UBR4: variants seen among roughly 807,000 people sequenced by gnomAD.
The protein encoded by UBR4 is E3 ubiquitin-protein ligase UBR4.
Under a neutral mutation model 575.6 loss-of-function variants are expected in UBR4, and 124 were observed. The observed-to-expected ratio is 0.22, with a 90% CI of 0.19 to 0.25. The LOEUF is 0.25. Among genes scored for constraint, UBR4 ranks in the 10% least tolerant of loss-of-function variants. The probability of loss-of-function intolerance (pLI) is 1.00; values close to 1 mark genes in which losing one functional copy is unlikely to be tolerated. For synonymous variants in UBR4, 2,455 were observed against 2,473.7 expected (o/e 0.99, Z 0.22); for missense variants, 4,818 against 6,478.8 (o/e 0.74, Z 8.80).
At position 19,092,915 on chromosome 1, in the gene UBR4, C is replaced by A. The variant is rs780326154; in HGVS notation, c.14115G>T (p.Leu4705Phe). ...AAAACTTTTTCCAGATGTCGGCATCCAAACTGCAAAGCAAAGGAAGGCTTA... is the reference window on the plus strand; with the variant it reads ...AAAACTTTTTCCAGATGTCGGCATCAAAACTGCAAAGCAAAGGAAGGCTTA... The part of the protein sequence containing the change: ...MKKHIPSAKN[L>F]DADIWKKFLS... The change falls in exon 97 of 106, where the codon TTG becomes TTT. Residue 4705 changes from leucine (L) to phenylalanine (F), a missense_variant. Physicochemically the swap from Leu to Phe is conservative, Grantham distance 22. This residue lies in a region of UBR4 where 39 missense variants were observed against 37.5 expected (regional missense o/e 1.04). Transcript: ENST00000375254. 6 of 1,612,824 alleles carry A rather than the reference C, an allele frequency of 3.7e-6. No homozygotes were observed. Among genetic ancestry groups the A allele is most frequent in the Non-Finnish European group, 2.5e-6 (3 of 1,179,648 alleles).
At chr1:19,128,800 C>T (rs180790385) in intron 61 of UBR4, among the ~76,000 whole-genome samples, 178 bp downstream of exon 61, 4 of 152,244 alleles carry the variant, frequency 2.6e-5, no homozygotes, top group Admixed American at 1.3e-4. Flanking sequence ...ATTCTCTGAC[C>T]CTTAGCTTTC....
At chr1:19,208,570 T>C (rs1571899935) in intron 1 of UBR4, among the ~76,000 whole-genome samples, 1 of 152,190 alleles carries the variant, frequency 6.6e-6, no homozygotes, top group East Asian at 1.9e-4. Context: ...AGAGATCTTA[T>C]TAATGTCTAC....
At chr1:19,140,721 A>G in intron 58 of UBR4, 67 bp downstream of exon 58, 1 of 1,478,994 alleles carries the variant, frequency 6.8e-7, no homozygotes, top group Non-Finnish European at 9.2e-7. Context: ...TTACACTCTC[A>G]CAGCAGTGGA....
At chr1:19,083,741 T>C (rs2076746603) in intron 102 of UBR4, among the ~76,000 whole-genome samples, 1 of 152,168 alleles carries the variant, frequency 6.6e-6, no homozygotes, top group Non-Finnish European at 1.5e-5. Context: ...GCTATGTTGC[T>C]TAGGCTGGGC....
rs2086455413 is a variant in UBR4 at position 19,156,392 on chromosome 1, C to T, written c.5951G>A (p.Gly1984Asp). 1 of 1,614,008 alleles carries T rather than the reference C, an allele frequency of 6.2e-7. No homozygotes were observed. The highest frequency in any genetic ancestry group is 1.1e-5 in the South Asian group (1 of 91,088). Residue 1984 changes from glycine (G) to aspartate (D), a missense_variant, in exon 42 of 106, where the codon GGC becomes GAC. Transcript: ENST00000375254. ...DCHVLTFSSS[G>D]SVSDHLVLHP... ...CAAAACCAAGTGATCCGAAACAGAGCCTGAGCTACTAAAGGTGAGCACATG... is the reference window on the plus strand; with the variant it reads ...CAAAACCAAGTGATCCGAAACAGAGTCTGAGCTACTAAAGGTGAGCACATG...
rs183207716 is a variant in UBR4, at chr1:19,104,835, G to C, written c.12646-169C>G. 13 of 1,072,994 alleles carry C rather than the reference G, an allele frequency of 1.2e-5. No homozygotes were observed. In the East Asian group the frequency reaches 3.1e-4, roughly 26 times the overall value. The allele number at this position is 1,072,994 out of a possible 1,614,324, so 66.5% of individuals were successfully genotyped here. On this transcript the variant is annotated intron_variant, in intron 85 of 105. Coordinates refer to ENST00000375254, the MANE Select transcript of UBR4 (RefSeq NM_020765.3). ...AGCCAACAGTCACAGCGCTGGTAAGGGATTGCTTAAAAACTGTAAACAGTC... is the reference window on the plus strand; with the variant it reads ...AGCCAACAGTCACAGCGCTGGTAAGCGATTGCTTAAAAACTGTAAACAGTC...
chr1:19,162,618 G>T lies in UBR4; in HGVS notation c.4765-7C>A. 6.2e-7 allele frequency: 1 copy of T among 1,603,898 alleles called. No individual in the cohort carries two copies. Among genetic ancestry groups the T allele is most frequent in the Non-Finnish European group, 8.5e-7 (1 of 1,174,364 alleles). On this transcript the variant is annotated splice_region_variant and splice_polypyrimidine_tract_variant and intron_variant, in intron 34 of 105. Coordinates refer to ENST00000375254, the MANE Select transcript of UBR4 (RefSeq NM_020765.3). The stretch of plus-strand genomic sequence containing the variant: ...ACTCCAAGATCATCACATGCTGTAA[G>T]AGAAGCCCCACAGCAACTTCAGATT...
chr1:19,164,188 T>TA (rs766217924), intron 33 of UBR4, 65 bp downstream of exon 33: 6 of 1,533,932 alleles, frequency 3.9e-6, no homozygotes, highest in Non-Finnish European at 5.3e-6. Flanking sequence ...CTTTGAGCTA[T>TA]AAAGAAAGTA....
chr1:19,097,538 C>G (rs574247835), intron 90 of UBR4, among the ~76,000 whole-genome samples: 14 of 152,318 alleles, frequency 9.2e-5, no homozygotes, highest in African/African-American at 2.9e-4. Flanking sequence ...TTCATTAGAA[C>G]ACTATGTAAT....
intron 43 of UBR4, 91 bp from the exon 44 acceptor site, chr1:19,155,166 C>G (rs1472627027): frequency 2.6e-6 from 4 of 1,532,156 alleles, no homozygotes; most frequent in African/African-American, 1.4e-5. Flanking sequence ...CAATCATGAT[C>G]AGGTGCTCTC....
At chr1:19,096,779 C>G in intron 91 of UBR4, 129 bp from the exon 92 acceptor site, 2 of 1,362,398 alleles carry the variant, frequency 1.5e-6, no homozygotes, top group South Asian at 2.9e-5. Context: ...AATAAAGACA[C>G]GGCCAATAAA....
intron 8 of UBR4, 112 bp downstream of exon 8, chr1:19,197,029 G>T: frequency 2.3e-6 from 3 of 1,323,698 alleles, no homozygotes. Context: ...GATGATCCTT[G>T]AGAGAAGGAA....
intron 92 of UBR4, among the ~76,000 whole-genome samples, chr1:19,096,307 T>C (rs1283075863): frequency 6.6e-6 from 1 of 152,150 alleles, no homozygotes; most frequent in Non-Finnish European, 1.5e-5. Context: ...GCTGGCTCTA[T>C]AGAGAGGTAT....
chr1:19,120,654 C>T (rs575946169), intron 68 of UBR4, among the ~76,000 whole-genome samples: 16 of 152,280 alleles, frequency 1.1e-4, no homozygotes, highest in African/African-American at 3.8e-4. Context: ...TGAACAAATA[C>T]AGTGACACTG....
chr1:19,091,331 A>G (rs2077494622), intron 97 of UBR4, among the ~76,000 whole-genome samples: 1 of 152,266 alleles, frequency 6.6e-6, no homozygotes, highest in Non-Finnish European at 1.5e-5. Context: ...AAGGGATTTC[A>G]GTGAGACACA....
intron 15 of UBR4, 95 bp downstream of exon 15, chr1:19,185,004 T>A: frequency 6.7e-7 from 1 of 1,482,574 alleles, no homozygotes; most frequent in African/African-American, 1.4e-5. Flanking sequence ...ATTACAGTTA[T>A]CCAAGCCACA....
intron 8 of UBR4, among the ~76,000 whole-genome samples, chr1:19,196,829 G>A (rs1243520535): frequency 6.6e-6 from 1 of 152,130 alleles, no homozygotes; most frequent in African/African-American, 2.4e-5. Flanking sequence ...GCTCCTTGAG[G>A]GCAGAGACTA....
intron 60 of UBR4, among the ~76,000 whole-genome samples, chr1:19,132,626 G>GAAAAAAAAAAAAAAAAAAAAAAAA (rs2082668175): frequency 6.7e-5 from 2 of 29,988 alleles, no homozygotes; most frequent in Non-Finnish European, 1.3e-4. Context: ...AAAAAAAAAA[G>GAAAAAAAAAAAAAAAAAAAAAAAA]TAAGTAAAAG....
rs184639101 is a variant in UBR4, at chr1:19,089,924, A to G, written c.14212-947T>C. Among the ~76,000 whole-genome samples, 1 of 152,308 alleles carries G rather than the reference A, an allele frequency of 6.6e-6. No homozygotes were observed. Among genetic ancestry groups the G allele is most frequent in the Admixed American group, 6.5e-5 (1 of 15,304 alleles). ...TTTCCACAGGTACCCCAAACTCAAC[A>G]TTCTGGCTGTTTACTGTGTGTGCAT... On this transcript the variant is annotated intron_variant, in intron 97 of 105. Transcript: ENST00000375254. This position sits in a 1 kb window ranked among gnomAD's most constrained non-coding sequence, Gnocchi z 4.3.
Sources: gnomAD v4.1 joint callset for allele counts (sites outside exome capture counted in the v4.1 genomes callset) on GRCh38, gnomAD v4.1.1 for gene constraint, gnomAD v4.1.1 regional missense constraint, Gnocchi (gnomAD v3.1) non-coding constraint, MANE v1.5 for transcripts, NCBI Gene and HGNC (gene_info 2026-07-23, HGNC 2026-07-21) for gene names.